The following PTPRZ1 variants were observed in gnomAD, a reference collection of about 807,000 sequenced individuals.
The protein encoded by PTPRZ1 is protein tyrosine phosphatase receptor type Z1, also known as receptor-type tyrosine-protein phosphatase zeta.
PTPRZ1 carries 82 observed loss-of-function variants against 214.1 expected under a neutral mutation model. The observed-to-expected ratio is 0.38, with a 90% CI of 0.32 to 0.46. The LOEUF (loss-of-function observed/expected upper bound fraction) is 0.46. PTPRZ1 is among the 20% of genes least tolerant of loss of function. PTPRZ1 has a pLI of 1.00. For missense variants in PTPRZ1, 2,603 were observed against 2,748.7 expected (o/e 0.95, Z 1.19); for synonymous variants, 945 against 987.9 (o/e 0.96, Z 0.81).
intron 13 of PTPRZ1, among the ~76,000 whole-genome samples, chr7:122,020,825 A>T (rs1281118176): frequency 2.8e-5 from 3 of 108,670 alleles, no homozygotes; most frequent in African/African-American, 1.2e-4. Context: ...ATTGCCAAAG[A>T]TTCTTTTTTT....
chr7:121,907,721 C>T (rs1049026894), intron 1 of PTPRZ1, among the ~76,000 whole-genome samples: 11 of 151,616 alleles, frequency 7.3e-5, no homozygotes, highest in Non-Finnish European at 1.6e-4. Flanking sequence ...TTTATATCTA[C>T]ATTAGCTTTT....
intron 1 of PTPRZ1, among the ~76,000 whole-genome samples, chr7:121,914,316 G>GT (rs1286371443): frequency 1.3e-5 from 2 of 152,110 alleles, no homozygotes; most frequent in Non-Finnish European, 2.9e-5. Flanking sequence ...TTTAAGTGGT[G>GT]TAGAAGTAAC....
At chr7:122,040,771 TG>T in intron 20 of PTPRZ1, 44 bp from the exon 21 acceptor site, 4 of 1,168,502 alleles carry the variant, frequency 3.4e-6, no homozygotes, top group African/African-American at 3.1e-5. Context: ...TGTGTGTGTG[TG>T]TGTGTGTGTG....
chr7:121,957,704 CT>C (rs1796750103), intron 2 of PTPRZ1, among the ~76,000 whole-genome samples: 1 of 152,126 alleles, frequency 6.6e-6, no homozygotes, highest in African/African-American at 2.4e-5. Context: ...ATTATTCTTT[CT>C]TTTACAGATA....
chr7:122,005,758 G>A (rs1187196239), intron 11 of PTPRZ1, among the ~76,000 whole-genome samples: 1 of 151,944 alleles, frequency 6.6e-6, no homozygotes, highest in Non-Finnish European at 1.5e-5. Context: ...ACTGATGTAA[G>A]CCCTTTTTTC....
chr7:121,929,681 G>A (rs1795866575), intron 2 of PTPRZ1, among the ~76,000 whole-genome samples: 1 of 151,660 alleles, frequency 6.6e-6, no homozygotes, highest in African/African-American at 2.4e-5. Flanking sequence ...GTTGGCGCAT[G>A]CTTCTAATCC....
chr7:121,890,090 A>C (rs73229128), intron 1 of PTPRZ1, among the ~76,000 whole-genome samples: 17,708 of 152,150 alleles, frequency 0.12, 1,372 homozygotes, highest in East Asian at 0.22. Flanking sequence ...TGACTATCTC[A>C]TCCCTGTATT....
At chr7:122,043,286 T>C (rs1053591320) in intron 22 of PTPRZ1, among the ~76,000 whole-genome samples, 8 of 152,264 alleles carry the variant, frequency 5.3e-5, no homozygotes, top group Admixed American at 1.3e-4. Flanking sequence ...ATAGGGAATA[T>C]CCTTTAAAAT....
chr7:121,950,282 C>T (rs2116453076), intron 2 of PTPRZ1, among the ~76,000 whole-genome samples: 1 of 152,332 alleles, frequency 6.6e-6, no homozygotes, highest in Admixed American at 6.5e-5. Context: ...TCTTCCACAA[C>T]ACATGGGAAT....
chr7:122,048,088 G>T (rs917914305), intron 23 of PTPRZ1, among the ~76,000 whole-genome samples: 1 of 151,910 alleles, frequency 6.6e-6, no homozygotes, highest in African/African-American at 2.4e-5. Context: ...ACAGTGAAAG[G>T]TTTCCATAAA....
chr7:121,881,757 G>A (rs918025435), intron 1 of PTPRZ1, among the ~76,000 whole-genome samples: 1 of 152,100 alleles, frequency 6.6e-6, no homozygotes. Context: ...AGGCAGTCTT[G>A]GAGTGGGTCC....
In PTPRZ1 at chr7:121,918,566, G is replaced by T. The variant is rs1795492892; in HGVS notation, c.59-9590G>T. Among the ~76,000 whole-genome samples, 3 of 151,988 alleles carry T rather than the reference G, an allele frequency of 2.0e-5. No homozygotes were observed. The South Asian group carries it at 6.2e-4, about 32-fold the overall frequency. On this transcript the variant is annotated intron_variant, in intron 1 of 29. Coordinates refer to ENST00000393386, the MANE Select transcript of PTPRZ1 (RefSeq NM_002851.3). ...TCTCTTGGAAGAAGATTTTAAAATG[G>T]ATTTCAAATGTTTCTTTACAGTCTT...
chr7:122,061,780 G>T lies in PTPRZ1; in HGVS notation c.*560G>T, dbSNP rs1792584565. ...GTAGATTTTTATATTTTACTACTGAGTCAAGTTTTCTAGTTCTGTGTAATT... is the reference window on the plus strand; with the variant it reads ...GTAGATTTTTATATTTTACTACTGATTCAAGTTTTCTAGTTCTGTGTAATT... On this transcript the variant is annotated 3_prime_UTR_variant, in exon 30 of 30. Transcript: ENST00000393386. 6.6e-6 allele frequency: 1 copy of T among 152,514 alleles called. No individual in the cohort carries two copies. Among genetic ancestry groups the T allele is most frequent in the African/African-American group, 2.4e-5 (1 of 41,396 alleles). The allele number at this position is 152,514 out of a possible 1,614,324, so 9.4% of individuals were successfully genotyped here. A position where few individuals can be genotyped will look rare whatever the true frequency, so the allele number is the denominator to read the frequency against.
chr7:121,957,059 C>G (rs1460081502), intron 2 of PTPRZ1, among the ~76,000 whole-genome samples: 1 of 152,226 alleles, frequency 6.6e-6, no homozygotes, highest in Non-Finnish European at 1.5e-5. Context: ...AATGCGCACA[C>G]TTCGCTTGGC....
chr7:122,012,620 G>A lies in PTPRZ1; in HGVS notation c.3574G>A (p.Asp1192Asn), dbSNP rs772723372. The A allele has an allele frequency of 8.7e-6, 14 of 1,613,740 alleles. No homozygotes were observed. Among genetic ancestry groups the A allele is most frequent in the Non-Finnish European group, 1.0e-5 (12 of 1,179,786 alleles). The stretch of plus-strand genomic sequence containing the variant: ...ACCTTCCTTTCAGGCTTCTGATGTT[G>A]ACACCTTGCTTAAAACTGTTCTTCC... ...LQPSFQASDVDTLLKTVLPAV... is the reference protein window; with the variant it reads ...LQPSFQASDVNTLLKTVLPAV... The change falls in exon 12 of 30, where the codon GAC becomes AAC. Residue 1192 changes from aspartate to asparagine, a missense_variant. Coordinates refer to ENST00000393386, the MANE Select transcript of PTPRZ1 (RefSeq NM_002851.3).
At chr7:121,970,392 G>T (rs898637857) in intron 3 of PTPRZ1, among the ~76,000 whole-genome samples, 1 of 152,122 alleles carries the variant, frequency 6.6e-6, no homozygotes, top group African/African-American at 2.4e-5. Flanking sequence ...CTTCCACAAT[G>T]GTTGAACTAG....
chr7:121,983,863 A>G (rs1563050226), intron 7 of PTPRZ1, 41 bp downstream of exon 7: 3 of 1,598,484 alleles, frequency 1.9e-6, no homozygotes, highest in Non-Finnish European at 2.6e-6. Context: ...ATTCAAAGCC[A>G]TTTAAAAAAC....
intron 9 of PTPRZ1, among the ~76,000 whole-genome samples, chr7:121,997,667 C>CAAA (rs200025096): frequency 1.6e-4 from 13 of 82,062 alleles, no homozygotes; most frequent in South Asian, 4.5e-4. Flanking sequence ...TTTTAAAAAG[C>CAAA]AAAAAAAAAA....
intron 2 of PTPRZ1, among the ~76,000 whole-genome samples, chr7:121,958,507 T>A (rs1796778433): frequency 6.6e-6 from 1 of 152,220 alleles, no homozygotes; most frequent in South Asian, 2.1e-4. Flanking sequence ...GCTTGTCAAC[T>A]TTGATTGAAG....
Sources: allele counts gnomAD v4.1 joint callset (sites outside exome capture counted in the v4.1 genomes callset), GRCh38; gene constraint gnomAD v4.1.1; transcripts MANE v1.5; gene names NCBI Gene and HGNC (gene_info 2026-07-23, HGNC 2026-07-21).